The following RNF123 variants were observed in gnomAD, a reference collection of about 807,000 sequenced individuals.
RNF123 encodes ring finger protein 123.
RNF123 carries 86 observed loss-of-function variants against 168.5 expected under a neutral mutation model. The observed-to-expected ratio is 0.51, with a 90% CI of 0.43 to 0.61. RNF123 has a LOEUF of 0.61. RNF123 is among the 20% of genes least tolerant of loss of function. The pLI is 0.00. For synonymous variants in RNF123, 666 were observed against 689.1 expected, an observed-to-expected ratio of 0.97 and a Z score of 0.52; for missense variants, 1,419 against 1,729.7, an observed-to-expected ratio of 0.82 and a Z score of 3.19.
chr3:49,697,298 T>C (rs1003798313), intron 4 of RNF123, 65 bp from the exon 5 acceptor site: 16 of 1,590,842 alleles, frequency 1.0e-5, no homozygotes, highest in Admixed American at 8.4e-5. Flanking sequence ...TCTGGTGAGC[T>C]CAGGACACCC....
In RNF123 at chr3:49,693,347, C is replaced by CTTTT. The variant is rs35938648; in HGVS notation, c.167+1861_167+1864dup. ...ACAGGCGTGAGCCAGTGTGCCTGGC[C>CTTTT]TTTTTTTTTTTTTTTTTTTTTTTTT... On this transcript the variant is annotated intron_variant, in intron 3 of 38. Transcript: ENST00000327697. Among the ~76,000 whole-genome samples, 4 of 34,158 alleles carry CTTTT rather than the reference C, an allele frequency of 1.2e-4. 1 individual carries two copies. The highest frequency in any genetic ancestry group is 1.2e-4 in the African/African-American group (1 of 8,430). 22.4% of individuals were successfully genotyped at this position (34,158 alleles called of 152,430 possible). A position where few individuals can be genotyped will look rare whatever the true frequency, so the allele number is the denominator to read the frequency against.
In RNF123 at chr3:49,709,568, G is replaced by T. The variant is rs192156005; in HGVS notation, c.2496+2670G>T. The stretch of plus-strand genomic sequence containing the variant: ...ACCCGCCTCGGCCTCCCAAAGTGCT[G>T]GGATTACAGGCGTGAGCCACCGCGC... On this transcript the variant is annotated intron_variant, in intron 26 of 38. Coordinates refer to ENST00000327697, the MANE Select transcript of RNF123 (RefSeq NM_022064.5). 4.6e-3 allele frequency among the ~76,000 whole-genome samples: 696 copies of T among 152,176 alleles called. 4 individuals are homozygous for T. The highest frequency in any genetic ancestry group is 0.011 in the African/African-American group (465 of 41,518).
intron 24 of RNF123, 47 bp downstream of exon 24, chr3:49,705,726 T>C (rs1437188252): frequency 3.1e-6 from 5 of 1,611,594 alleles, no homozygotes; most frequent in Non-Finnish European, 4.2e-6. Flanking sequence ...GTTGTGCGTG[T>C]TTGGTTGTGT....
At chr3:49,702,215 A>G in intron 18 of RNF123, 71 bp downstream of exon 18, 1 of 1,587,618 alleles carries the variant, frequency 6.3e-7, no homozygotes. Context: ...TAAGACCCAG[A>G]GGGTGGGAAC....
chr3:49,705,747 G>A, intron 24 of RNF123, 68 bp downstream of exon 24: 1 of 1,603,676 alleles, frequency 6.2e-7, no homozygotes, highest in Admixed American at 1.7e-5. Flanking sequence ...GTGTATTCCT[G>A]TGTGCACATG....
intron 20 of RNF123, 70 bp downstream of exon 20, chr3:49,702,823 G>A: frequency 6.2e-7 from 1 of 1,604,480 alleles, no homozygotes; most frequent in Non-Finnish European, 8.5e-7. Context: ...CCTAATGTTA[G>A]TGCAGAGTGC....
At chr3:49,691,032 C>T in intron 1 of RNF123, 98 bp from the exon 2 acceptor site, 1 of 690,608 alleles carries the variant, frequency 1.4e-6, no homozygotes, top group Non-Finnish European at 2.5e-6. Context: ...ATGCCCCTGG[C>T]CTCACCTGCT....
intron 25 of RNF123, 124 bp from the exon 26 acceptor site, chr3:49,706,667 A>G: frequency 1.3e-6 from 1 of 790,710 alleles, no homozygotes; most frequent in South Asian, 1.7e-5. Context: ...GGTTTTGAAA[A>G]ATGGAGCCCA....
intron 35 of RNF123, chr3:49,718,418 A>AGAG (rs1559690746): frequency 6.2e-7 from 1 of 1,613,018 alleles, no homozygotes; most frequent in Non-Finnish European, 8.5e-7. Context: ...AGGCACACGA[A>AGAG]GAGTCCCGCA....
chr3:49,691,456 C>CCTGAACCGCATCTTTTCCTCTT lies in RNF123; in HGVS notation c.121_142dup (p.His48ProfsTer7). The CCTGAACCGCATCTTTTCCTCTT allele has an allele frequency of 6.2e-7, 1 of 1,614,208 alleles. No individual in the cohort carries two copies. The highest frequency in any genetic ancestry group is 8.5e-7 in the Non-Finnish European group (1 of 1,180,032). On this transcript the variant is annotated frameshift_variant, in exon 3 of 39. Transcript: ENST00000327697. LOFTEE classifies it high-confidence loss of function. ...TGCAGGAGAAGCTGCTGAATGACTA[C>CCTGAACCGCATCTTTTCCTCTT]CTGAACCGCATCTTTTCCTCTTCTG...
chr3:49,698,233 G>A, intron 7 of RNF123, 96 bp downstream of exon 7: 2 of 1,185,198 alleles, frequency 1.7e-6, no homozygotes, highest in Non-Finnish European at 2.4e-6. Flanking sequence ...AACTGCCTAG[G>A]ACCCTAACTA....
chr3:49,708,474 C>T (rs1377045568), intron 26 of RNF123, among the ~76,000 whole-genome samples: 1 of 152,098 alleles, frequency 6.6e-6, no homozygotes, highest in Non-Finnish European at 1.5e-5. Context: ...GTTCTGGCAT[C>T]AGGTCCCTGA....
rs749608214 is a variant in RNF123 at position 49,702,600 on chromosome 3, C to T, written c.1630-33C>T. 4.3e-6 allele frequency: 7 copies of T among 1,614,076 alleles called. 1 individual carries two copies. The highest frequency in any genetic ancestry group is 4.2e-6 in the Non-Finnish European group (5 of 1,180,006). ...AGGAATGGGCAAGGCACTGGACTGG[C>T]ACCAATGCATGTTTCATGCCTGGTG... On this transcript the variant is annotated intron_variant, in intron 19 of 38. Coordinates refer to ENST00000327697, the MANE Select transcript of RNF123 (RefSeq NM_022064.5).
Position 49,701,505 on chromosome 3 carries a change from G to C in RNF123, c.1292G>C (p.Arg431Pro). Residue 431 changes from arginine to proline, a missense_variant, in exon 16 of 39, where the codon CGC (arginine) becomes CCC (proline). Coordinates refer to ENST00000327697, the MANE Select transcript of RNF123 (RefSeq NM_022064.5). Reference sequence around the variant, plus strand: ...ACACCCGCCAGCTTCGACGTGCTCCGCTCCGTCGTCTTCTTTTACATCAAG... The same window carrying C: ...ACACCCGCCAGCTTCGACGTGCTCCCCTCCGTCGTCTTCTTTTACATCAAG... ...LLSNVLFDVL[R>P]SVVFFYIKSP... The C allele has an allele frequency of 6.2e-7, 1 of 1,613,588 alleles. No individual in the cohort carries two copies. Among genetic ancestry groups the C allele is most frequent in the Non-Finnish European group, 8.5e-7 (1 of 1,179,868 alleles).
rs2054327081 is a variant in RNF123 at position 49,699,228 on chromosome 3, G to A, written c.764+123G>A. 2 of 1,360,200 alleles carry A rather than the reference G, an allele frequency of 1.5e-6. No homozygotes were observed. Among genetic ancestry groups the A allele is most frequent in the Admixed American group, 4.5e-5 (2 of 44,868 alleles). 84.3% of individuals were successfully genotyped at this position (1,360,200 alleles called of 1,614,324 possible). A position where few individuals can be genotyped will look rare whatever the true frequency, so the allele number is the denominator to read the frequency against. On this transcript the variant is annotated intron_variant, in intron 10 of 38. Coordinates refer to ENST00000327697, the MANE Select transcript of RNF123 (RefSeq NM_022064.5). The surrounding 1 kb of genome is among the most constrained non-coding windows in gnomAD (Gnocchi z 4.8). ...GGCCCTGGCTGCTGCAGAGTTAGTG[G>A]GGGGCCATGTAGAGTGTCGAAGAAA...
chr3:49,699,111 A>G lies in RNF123; in HGVS notation c.764+6A>G, dbSNP rs2054325316. 9.3e-6 allele frequency: 15 copies of G among 1,612,556 alleles called. No individual in the cohort carries two copies. The highest frequency in any genetic ancestry group is 5.9e-6 in the Non-Finnish European group (7 of 1,179,712). On this transcript the variant is annotated splice_donor_region_variant and intron_variant, in intron 10 of 38. Coordinates refer to ENST00000327697, the MANE Select transcript of RNF123 (RefSeq NM_022064.5). This position sits in a 1 kb window ranked among gnomAD's most constrained non-coding sequence, Gnocchi z 4.8. ...TTTGGCAGCCGTCCTCTGCGATATCATTTTGTGAAGATGGCTGTGGGCTGC... is the reference window on the plus strand; with the variant it reads ...TTTGGCAGCCGTCCTCTGCGATATCGTTTTGTGAAGATGGCTGTGGGCTGC...
chr3:49,717,866 A>T, intron 35 of RNF123: 2 of 1,428,520 alleles, frequency 1.4e-6, no homozygotes, highest in Non-Finnish European at 9.4e-7. Context: ...GCTTCCCACC[A>T]GTATCTGCCA....
chr3:49,716,789 G>A (rs1323856216), intron 35 of RNF123: 4 of 328,310 alleles, frequency 1.2e-5, no homozygotes. Flanking sequence ...GGTGGACAGG[G>A]CCAGGCCGCC....
Position 49,699,359 on chromosome 3 carries a change from C to CA in RNF123, c.765-106dup. 1 of 1,062,248 alleles carries CA rather than the reference C, an allele frequency of 9.4e-7. No individual in the cohort carries two copies. The highest frequency in any genetic ancestry group is 1.4e-6 in the Non-Finnish European group (1 of 726,096). The allele number at this position is 1,062,248 out of a possible 1,614,324, so 65.8% of individuals were successfully genotyped here. A position where few individuals can be genotyped will look rare whatever the true frequency, so the allele number is the denominator to read the frequency against. On this transcript the variant is annotated intron_variant, in intron 10 of 38. Transcript: ENST00000327697. This position sits in a 1 kb window ranked among gnomAD's most constrained non-coding sequence, Gnocchi z 4.8. ...GAGAATAAGTGGGCAAGTTGTGATGCAAACCAGCCCTGCCCTAGAGCCCAG... is the reference window on the plus strand; with the variant it reads ...GAGAATAAGTGGGCAAGTTGTGATGCAAAACCAGCCCTGCCCTAGAGCCCAG...
Sources: gnomAD v4.1 joint callset for allele counts (sites outside exome capture counted in the v4.1 genomes callset) on GRCh38, gnomAD v4.1.1 for gene constraint, Gnocchi (gnomAD v3.1) non-coding constraint, MANE v1.5 for transcripts, NCBI Gene and HGNC (gene_info 2026-07-23, HGNC 2026-07-21) for gene names.